The following TMEM120B variants were observed in gnomAD, a reference collection of about 807,000 sequenced individuals.
TMEM120B encodes the protein transmembrane protein 120B.
In TMEM120B, 31 loss-of-function variants were observed where a neutral mutation model predicts 55.5. The observed-to-expected ratio is 0.56, with a 90% CI of 0.42 to 0.75. The LOEUF (loss-of-function observed/expected upper bound fraction) is 0.75. TMEM120B is among the 30% of genes least tolerant of loss of function. The pLI is 0.00. For missense variants in TMEM120B, 399 were observed against 425.5 expected (o/e 0.94, Z 0.55); for synonymous variants, 203 against 176.3 (o/e 1.15, Z -1.20).
intron 2 of TMEM120B, among the ~76,000 whole-genome samples, chr12:121,744,384 A>G (rs1461478037): frequency 1.3e-5 from 2 of 152,226 alleles, no homozygotes; most frequent in African/African-American, 4.8e-5. Context: ...AGGGATGGCC[A>G]CATGGGTGAT....
At chr12:121,721,425 C>T (rs919193973) in intron 1 of TMEM120B, among the ~76,000 whole-genome samples, 9 of 151,676 alleles carry the variant, frequency 5.9e-5, no homozygotes, top group African/African-American at 1.9e-4. Flanking sequence ...GCATTCCTCC[C>T]ATCTCAGCCT....
In TMEM120B at chr12:121,780,167, CCTGCCT is replaced by C. The variant is rs1459997044; in HGVS notation, c.*4447_*4452del. ...CTGCCACCCAGGTTCAAGCGATTCT[CCTGCCT>C]CAGCCTCCCGAGTAGCTGGGATTAC... is the stretch of plus-strand genomic sequence containing the variant. On this transcript the variant is annotated 3_prime_UTR_variant, in exon 12 of 12. Coordinates refer to ENST00000449592, the MANE Select transcript of TMEM120B (RefSeq NM_001080825.2). 1 of 156,130 alleles carries C rather than the reference CCTGCCT, an allele frequency of 6.4e-6. No homozygotes were observed. Among genetic ancestry groups the C allele is most frequent in the Non-Finnish European group, 1.4e-5 (1 of 70,216 alleles). The allele number at this position is 156,130 out of a possible 1,614,324, so 9.7% of individuals were successfully genotyped here.
chr12:121,771,610 G>A (rs1874056134), intron 8 of TMEM120B, 61 bp downstream of exon 8: 2 of 1,517,390 alleles, frequency 1.3e-6, no homozygotes, highest in East Asian at 2.3e-5. Flanking sequence ...TTTCACCAAG[G>A]GAGGGCCCCA....
At chr12:121,739,821 T>G (rs1423643996) in intron 1 of TMEM120B, among the ~76,000 whole-genome samples, 4 of 123,764 alleles carry the variant, frequency 3.2e-5, no homozygotes, top group Non-Finnish European at 3.3e-5. Context: ...TTTTTTTTTT[T>G]GAGACAGAGT....
chr12:121,762,189 C>T (rs917088986), intron 6 of TMEM120B, among the ~76,000 whole-genome samples: 1 of 150,974 alleles, frequency 6.6e-6, no homozygotes, highest in Non-Finnish European at 1.5e-5. Context: ...GGCAGAATAG[C>T]GTGAACCCAG....
chr12:121,761,632 G>T lies in TMEM120B; in HGVS notation c.462-17G>T, dbSNP rs926884772. The T allele has an allele frequency of 7.5e-6, 12 of 1,608,178 alleles. No individual in the cohort carries two copies. The highest frequency in any genetic ancestry group is 1.0e-5 in the Non-Finnish European group (12 of 1,174,938). ...TCTCACGCCCGCACCCCTCCCGGGG[G>T]CTGTTTCCTTGCACAGGGTGACTGA... On this transcript the variant is annotated splice_polypyrimidine_tract_variant and intron_variant, in intron 5 of 11. Coordinates refer to ENST00000449592, the MANE Select transcript of TMEM120B (RefSeq NM_001080825.2).
chr12:121,721,514 C>T lies in TMEM120B; in HGVS notation c.69+8550C>T, dbSNP rs560809014. ...AACCAAGAGTTTCACTCTTGTTGCC[C>T]AGGCTGGAGTGCAGTGGTGCCATCT... On this transcript the variant is annotated intron_variant, in intron 1 of 11. Coordinates refer to ENST00000449592, the MANE Select transcript of TMEM120B (RefSeq NM_001080825.2). Among the ~76,000 whole-genome samples, 3 of 151,706 alleles carry T rather than the reference C, an allele frequency of 2.0e-5. No homozygotes were observed. In the East Asian group the frequency reaches 5.8e-4, roughly 29 times the overall value.
At position 121,727,873 on chromosome 12, in the gene TMEM120B, C is replaced by CAAA. The variant is rs10710244; in HGVS notation, c.69+14926_69+14928dup. On this transcript the variant is annotated intron_variant, in intron 1 of 11. Transcript: ENST00000449592. ...TGGGCGACAGAGCGACACTCCATCT[C>CAAA]AAAAAAAAAAAAAAAAAAAGAGATT... is the stretch of plus-strand genomic sequence containing the variant. 2.5e-3 allele frequency among the ~76,000 whole-genome samples: 204 copies of CAAA among 80,382 alleles called. 4 individuals carry two copies. The highest frequency in any genetic ancestry group is 3.6e-3 in the Non-Finnish European group (155 of 42,608). The allele number at this position is 80,382 out of a possible 152,430, so 52.7% of individuals were successfully genotyped here.
chr12:121,752,950 T>C (rs898163015), intron 5 of TMEM120B, among the ~76,000 whole-genome samples: 48 of 151,576 alleles, frequency 3.2e-4, no homozygotes, highest in African/African-American at 1.1e-3. Context: ...AGATAAAAAA[T>C]AAAATTATTT....
chr12:121,752,164 C>CT lies in TMEM120B; in HGVS notation c.403dup (p.Tyr135LeufsTer23). 1.9e-6 allele frequency: 3 copies of CT among 1,613,732 alleles called. No homozygotes were observed. The highest frequency in any genetic ancestry group is 2.5e-6 in the Non-Finnish European group (3 of 1,179,930). ...AGGACGAATATGAGAAGTTCAAGCT[C>CT]TACCTGACCATCATCCTGCTCCTGG... On this transcript the variant is annotated frameshift_variant, in exon 5 of 12. Coordinates refer to ENST00000449592, the MANE Select transcript of TMEM120B (RefSeq NM_001080825.2). LOFTEE classifies it high-confidence loss of function.
chr12:121,737,064 G>A (rs770111310), intron 1 of TMEM120B, among the ~76,000 whole-genome samples: 2 of 152,110 alleles, frequency 1.3e-5, no homozygotes, highest in African/African-American at 2.4e-5. Context: ...AGGGCCTTCC[G>A]TGACTTTTTC....
At chr12:121,758,008 A>T in intron 5 of TMEM120B, 1 of 237,410 alleles carries the variant, frequency 4.2e-6, no homozygotes. Context: ...ATTCCCACCT[A>T]CTTAGGAGTC....
chr12:121,730,442 C>T (rs1464036205), intron 1 of TMEM120B, among the ~76,000 whole-genome samples: 2 of 147,304 alleles, frequency 1.4e-5, no homozygotes, highest in African/African-American at 5.1e-5. Context: ...GTCAGGAGAT[C>T]GAGACCATCC....
intron 1 of TMEM120B, among the ~76,000 whole-genome samples, chr12:121,720,978 C>A (rs988326688): frequency 4.6e-5 from 7 of 152,178 alleles, no homozygotes; most frequent in Admixed American, 4.6e-4. Context: ...CACATCTGTA[C>A]TGGGAACAGG....
At chr12:121,733,548 T>C (rs547027176) in intron 1 of TMEM120B, among the ~76,000 whole-genome samples, 3 of 139,952 alleles carry the variant, frequency 2.1e-5, no homozygotes, top group African/African-American at 8.1e-5. Flanking sequence ...CTGGTATTTT[T>C]TTTTTTTTTG....
rs567222877 is a variant in TMEM120B at position 121,779,129 on chromosome 12, C to T, written c.*3407C>T. Reference sequence around the variant, plus strand: ...ACAGGAGTGGCAGGCTTGGGGCGCCCGCGTGGAACAGTGCCAGGTCTACGT... The same window carrying T: ...ACAGGAGTGGCAGGCTTGGGGCGCCTGCGTGGAACAGTGCCAGGTCTACGT... On this transcript the variant is annotated 3_prime_UTR_variant, in exon 12 of 12. Transcript: ENST00000449592. The T allele has an allele frequency of 2.9e-5, 6 of 209,120 alleles. No individual in the cohort carries two copies. Among genetic ancestry groups the T allele is most frequent in the Non-Finnish European group, 3.0e-5 (3 of 100,890 alleles). 13.0% of individuals were successfully genotyped at this position (209,120 alleles called of 1,614,324 possible). A position where few individuals can be genotyped will look rare whatever the true frequency, so the allele number is the denominator to read the frequency against.
chr12:121,733,066 A>G (rs1174275415), intron 1 of TMEM120B, among the ~76,000 whole-genome samples: 2 of 151,944 alleles, frequency 1.3e-5, no homozygotes, highest in African/African-American at 4.8e-5. Context: ...TTCTCTAGAG[A>G]CATACTTGCC....
At chr12:121,732,644 T>A (rs935139332) in intron 1 of TMEM120B, among the ~76,000 whole-genome samples, 1 of 152,184 alleles carries the variant, frequency 6.6e-6, no homozygotes, top group Non-Finnish European at 1.5e-5. Context: ...GACTATAAAT[T>A]GGTATAGCTA....
intron 1 of TMEM120B, among the ~76,000 whole-genome samples, chr12:121,737,243 C>T (rs554095781): frequency 1.7e-4 from 26 of 152,186 alleles, no homozygotes; most frequent in Middle Eastern, 3.4e-3. Context: ...TGGTGGCTTA[C>T]GTCTGTAAAC....
Sources: gnomAD v4.1 joint callset for allele counts (sites outside exome capture counted in the v4.1 genomes callset) on GRCh38, gnomAD v4.1.1 for gene constraint, MANE v1.5 for transcripts, NCBI Gene and HGNC (gene_info 2026-07-23, HGNC 2026-07-21) for gene names.